GRIA2: variants seen among roughly 807,000 people sequenced by gnomAD.
GRIA2 encodes glutamate receptor 2.
GRIA2 carries 14 observed loss-of-function variants against 97.3 expected under a neutral mutation model. The observed-to-expected ratio is 0.14, with a 90% CI of 0.10 to 0.23. The LOEUF (loss-of-function observed/expected upper bound fraction) is 0.23. GRIA2 is among the 10% of genes least tolerant of loss of function. GRIA2 has a pLI of 1.00. For missense variants in GRIA2, 558 were observed against 1,069.8 expected (o/e 0.52, Z 6.67); for synonymous variants, 412 against 387.8 (o/e 1.06, Z -0.73).
At chr4:157,278,786 C>T (rs1732462719) in intron 2 of GRIA2, among the ~76,000 whole-genome samples, 1 of 114,442 alleles carries the variant, frequency 8.7e-6, no homozygotes, top group Non-Finnish European at 1.7e-5. Context: ...AAATGAATAA[C>T]CTGAATAAAA....
At chr4:157,253,176 G>C (rs964530869) in intron 2 of GRIA2, among the ~76,000 whole-genome samples, 21 of 151,396 alleles carry the variant, frequency 1.4e-4, no homozygotes, top group Admixed American at 1.4e-3. Flanking sequence ...AAGTGCAGTG[G>C]CATTATCTTG....
At chr4:157,362,526 A>T (rs949479209) in intron 14 of GRIA2, 4 of 560,700 alleles carry the variant, frequency 7.1e-6, no homozygotes, top group Admixed American at 4.4e-5. Flanking sequence ...ACTGCAACTG[A>T]CATAGCCAGG....
chr4:157,331,802 A>T (rs998741647), intron 6 of GRIA2, among the ~76,000 whole-genome samples: 1 of 151,860 alleles, frequency 6.6e-6, no homozygotes, highest in East Asian at 1.9e-4. Flanking sequence ...GAAGACAAAG[A>T]TGAAATTATC....
chr4:157,291,076 C>T (rs1203187888), intron 2 of GRIA2, among the ~76,000 whole-genome samples: 1 of 151,960 alleles, frequency 6.6e-6, no homozygotes, highest in African/African-American at 2.4e-5. Flanking sequence ...GTTGAAATAA[C>T]TTACGGTGAA....
At chr4:157,240,961 T>A (rs956275737) in intron 2 of GRIA2, among the ~76,000 whole-genome samples, 36 of 151,670 alleles carry the variant, frequency 2.4e-4, no homozygotes, top group African/African-American at 8.5e-4. Flanking sequence ...TATGCGGTGT[T>A]TGGTTTTTTG....
rs528028853 is a variant in GRIA2 at position 157,282,062 on chromosome 4, G to A, written c.230-21490G>A. On this transcript the variant is annotated intron_variant, in intron 2 of 15. Transcript: ENST00000264426. ...CAATGTTTTCACTAACACAACACATGAGCTTCCATTTTTGCTGTGTCCAAT... is the reference window on the plus strand; with the variant it reads ...CAATGTTTTCACTAACACAACACATAAGCTTCCATTTTTGCTGTGTCCAAT... 1.1e-4 allele frequency among the ~76,000 whole-genome samples: 17 copies of A among 152,218 alleles called. No homozygotes were observed. In the South Asian group the frequency reaches 3.1e-3, roughly 28 times the overall value.
At chr4:157,251,072 G>C (rs1014619971) in intron 2 of GRIA2, among the ~76,000 whole-genome samples, 3 of 151,980 alleles carry the variant, frequency 2.0e-5, no homozygotes, top group African/African-American at 7.2e-5. Context: ...GCTTGGATTT[G>C]ATGCATTATG....
intron 2 of GRIA2, among the ~76,000 whole-genome samples, chr4:157,286,615 A>G (rs1019660665): frequency 6.6e-6 from 1 of 150,812 alleles, no homozygotes; most frequent in Non-Finnish European, 1.5e-5. Context: ...ATATCTTCCA[A>G]TAAAGTTTGT....
At chr4:157,278,770 A>G (rs963306483) in intron 2 of GRIA2, among the ~76,000 whole-genome samples, 1 of 140,828 alleles carries the variant, frequency 7.1e-6, no homozygotes, top group Non-Finnish European at 1.5e-5. Context: ...AAACTCAACA[A>G]TAAGGAAATG....
At position 157,283,473 on chromosome 4, in the gene GRIA2, T is replaced by C. The variant is rs548212462; in HGVS notation, c.230-20079T>C. On this transcript the variant is annotated intron_variant, in intron 2 of 15. Coordinates refer to ENST00000264426, the MANE Select transcript of GRIA2 (RefSeq NM_001083619.3). ...ATTAAATTACTTATAATGTAGGAAT[T>C]ATAAATATAGTAATGCTTACTTAGC... Among the ~76,000 whole-genome samples the C allele has an allele frequency of 2.6e-5, 4 of 152,142 alleles. No homozygotes were observed. In the East Asian group the frequency reaches 5.8e-4, roughly 22 times the overall value.
chr4:157,349,501 TTC>T (rs950501778), intron 12 of GRIA2, among the ~76,000 whole-genome samples: 1 of 143,056 alleles, frequency 7.0e-6, no homozygotes, highest in Non-Finnish European at 1.5e-5. Flanking sequence ...CCTTCTTTCG[TTC>T]TTTTTTGTAA....
At position 157,303,703 on chromosome 4, in the gene GRIA2, G is replaced by T; in HGVS notation, c.381G>T (p.Gln127His). The T allele has an allele frequency of 6.2e-7, 1 of 1,614,060 alleles. No homozygotes were observed. Among genetic ancestry groups the T allele is most frequent in the Non-Finnish European group, 8.5e-7 (1 of 1,179,972 alleles). Residue 127 changes from glutamine (Q) to histidine (H), a missense_variant, in exon 3 of 16, where the codon CAG becomes CAT. This residue lies in a region of GRIA2 where 96 missense variants were observed against 176.6 expected (regional missense o/e 0.54). Coordinates refer to ENST00000264426, the MANE Select transcript of GRIA2 (RefSeq NM_001083619.3). Reference sequence around the variant, plus strand: ...ATGGCACACATCCATTTGTCATTCAGATGAGACCCGACCTCAAAGGAGCTC... The same window carrying T: ...ATGGCACACATCCATTTGTCATTCATATGAGACCCGACCTCAAAGGAGCTC... ...PTDGTHPFVI[Q>H]MRPDLKGALL...
At chr4:157,263,329 A>G (rs1731630317) in intron 2 of GRIA2, among the ~76,000 whole-genome samples, 1 of 152,044 alleles carries the variant, frequency 6.6e-6, no homozygotes, top group South Asian at 2.1e-4. Flanking sequence ...TCCTGAAATT[A>G]TAAATATTAA....
chr4:157,320,929 G>A (rs1197134559), intron 5 of GRIA2, among the ~76,000 whole-genome samples: 1 of 152,052 alleles, frequency 6.6e-6, no homozygotes, highest in African/African-American at 2.4e-5. Flanking sequence ...CTGGCTGAAT[G>A]TGAAATTGTT....
At chr4:157,354,902 C>T (rs1736179841) in intron 12 of GRIA2, among the ~76,000 whole-genome samples, 1 of 152,056 alleles carries the variant, frequency 6.6e-6, no homozygotes, top group Non-Finnish European at 1.5e-5. Context: ...AGTCTTCCCC[C>T]CTGGGAACTA....
intron 3 of GRIA2, among the ~76,000 whole-genome samples, chr4:157,310,470 C>A (rs1734031020): frequency 6.6e-6 from 1 of 152,018 alleles, no homozygotes; most frequent in African/African-American, 2.4e-5. Context: ...TTCCCAAACA[C>A]TCTTAACATG....
intron 2 of GRIA2, among the ~76,000 whole-genome samples, chr4:157,302,250 G>C (rs537456338): frequency 6.6e-6 from 1 of 151,866 alleles, no homozygotes; most frequent in East Asian, 1.9e-4. Flanking sequence ...GATCGTCAGT[G>C]CTCTGTAGAG....
At position 157,361,990 on chromosome 4, in the gene GRIA2, G is replaced by A. The variant is rs563238639; in HGVS notation, c.2407-809G>A. ...AAACACTTAAGATTAAGTGATTATA[G>A]GGATGTGTGTTTTCCTTGTCTGTTT... On this transcript the variant is annotated intron_variant, in intron 14 of 15. Transcript: ENST00000264426. This position sits in a 1 kb window ranked among gnomAD's most constrained non-coding sequence, Gnocchi z 5.2. Among the ~76,000 whole-genome samples, 5 of 152,228 alleles carry A rather than the reference G, an allele frequency of 3.3e-5. No homozygotes were observed. In the South Asian group the frequency reaches 6.2e-4, roughly 19 times the overall value.
intron 2 of GRIA2, among the ~76,000 whole-genome samples, chr4:157,245,735 A>G (rs1006273644): frequency 6.6e-6 from 1 of 152,100 alleles, no homozygotes; most frequent in African/African-American, 2.4e-5. Flanking sequence ...TTATCACAAA[A>G]TAACTCTTCT....
Sources: allele counts gnomAD v4.1 joint callset (sites outside exome capture counted in the v4.1 genomes callset), GRCh38; gene constraint gnomAD v4.1.1; regional missense constraint gnomAD v4.1.1; non-coding constraint Gnocchi (gnomAD v3.1); transcripts MANE v1.5; gene names NCBI Gene and HGNC (gene_info 2026-07-23, HGNC 2026-07-21).